The following AOX1 variants were observed in gnomAD, a reference collection of about 807,000 sequenced individuals.
The protein encoded by AOX1 is aldehyde oxidase 1.
A neutral mutation model predicts 169.5 loss-of-function variants in AOX1; 153 were observed. The observed-to-expected ratio is 0.90, with a 90% CI of 0.79 to 1.03. The LOEUF is 1.03. Ranked by LOEUF, AOX1 falls within the 50% of genes least tolerant of loss-of-function variation. AOX1 has a pLI of 0.00. For synonymous variants in AOX1, 562 were observed against 581.9 expected (o/e 0.97, Z 0.49); for missense variants, 1,656 against 1,663.9 (o/e 1.00, Z 0.08).
chr2:200,603,482 C>G (rs2034454942), intron 7 of AOX1, 126 bp downstream of exon 7: 2 of 650,884 alleles, frequency 3.1e-6, no homozygotes, highest in Non-Finnish European at 5.3e-6. Flanking sequence ...TGCCCTCTCC[C>G]ATTCTCACTC....
At chr2:200,614,416 G>A (rs935806578) in intron 15 of AOX1, among the ~76,000 whole-genome samples, 3 of 152,196 alleles carry the variant, frequency 2.0e-5, no homozygotes, top group Non-Finnish European at 2.9e-5. Context: ...ACTGTGAAAT[G>A]CGTCATTGTA....
chr2:200,603,941 A>C, intron 7 of AOX1, 76 bp from the exon 8 acceptor site: 4 of 998,246 alleles, frequency 4.0e-6, no homozygotes, highest in Non-Finnish European at 6.4e-6. Flanking sequence ...CTGTGTATCT[A>C]TATCTTTTGA....
In AOX1 at chr2:200,621,237, G is replaced by A. The variant is rs144385483; in HGVS notation, c.1992G>A (p.Ala664=). The A allele has an allele frequency of 3.6e-5, 58 of 1,613,772 alleles. No homozygotes were observed. The highest frequency in any genetic ancestry group is 4.5e-5 in the Non-Finnish European group (53 of 1,179,944). Residue 664 remains alanine, a synonymous_variant, in exon 18 of 35, where the codon GCG becomes GCA. Transcript: ENST00000374700. ...TTACTGAAGCTGAGAAATTTCTGGC[G>A]ACAGATAAGGTACTGCATTTTTGCT... is the stretch of plus-strand genomic sequence containing the variant. ...CFFTEAEKFL[A]TDKVFCVGQL...
intron 20 of AOX1, among the ~76,000 whole-genome samples, chr2:200,630,563 G>GAAGGA: frequency 1.9e-5 from 1 of 51,408 alleles, no homozygotes; most frequent in Non-Finnish European, 4.1e-5. Context: ...AGGAAGGAAG[G>GAAGGA]AAGGAAGGAA....
chr2:200,602,482 T>A, intron 6 of AOX1, 137 bp downstream of exon 6: 1 of 757,160 alleles, frequency 1.3e-6, no homozygotes. Context: ...CTGCTGTTTG[T>A]TATTTGATCT....
intron 27 of AOX1, among the ~76,000 whole-genome samples, chr2:200,657,182 A>AT (rs1559258479): frequency 4.5e-5 from 3 of 66,502 alleles, no homozygotes; most frequent in East Asian, 8.9e-4. Flanking sequence ...ATATATATAT[A>AT]TATATATATT....
In AOX1 at chr2:200,663,168, G is replaced by A. The variant is rs111582619; in HGVS notation, c.3543+199G>A. Reference sequence around the variant, plus strand: ...GTTGCTGCCATGGAAAACAACTGGTGGCCTGTCTTTATTTCCCTGGCCCTT... The same window carrying A: ...GTTGCTGCCATGGAAAACAACTGGTAGCCTGTCTTTATTTCCCTGGCCCTT... On this transcript the variant is annotated intron_variant, in intron 31 of 34. Transcript: ENST00000374700. Among the ~76,000 whole-genome samples the A allele has an allele frequency of 3.4e-3, 513 of 152,162 alleles. 3 individuals carry two copies. The highest frequency in any genetic ancestry group is 0.012 in the African/African-American group (479 of 41,504).
chr2:200,588,315 G>C (rs1431637535), intron 1 of AOX1: 1 of 152,496 alleles, frequency 6.6e-6, no homozygotes, highest in Non-Finnish European at 1.5e-5. Flanking sequence ...TGGTGGGCCT[G>C]GCAACATGGG....
chr2:200,652,883 A>T (rs2035608094), intron 26 of AOX1, among the ~76,000 whole-genome samples: 1 of 152,202 alleles, frequency 6.6e-6, no homozygotes, highest in South Asian at 2.1e-4. Flanking sequence ...TGAGCAACAT[A>T]GTGAGGCCCC....
chr2:200,674,932 A>C (rs1299781515), downstream of AOX1, among the ~76,000 whole-genome samples: 1 of 152,222 alleles, frequency 6.6e-6, no homozygotes, highest in Admixed American at 6.5e-5. Context: ...GGGCTTACAC[A>C]GTATTACATT....
chr2:200,668,645 C>G lies in AOX1; in HGVS notation c.3640C>G (p.Leu1214Val). 1 of 1,613,010 alleles carries G rather than the reference C, an allele frequency of 6.2e-7. No individual in the cohort carries two copies. The highest frequency in any genetic ancestry group is 8.5e-7 in the Non-Finnish European group (1 of 1,179,680). The change falls in exon 33 of 35, where the codon CTT (leucine) becomes GTT (valine). Residue 1214 changes from leucine to valine, a missense_variant. Physicochemically the swap from Leu to Val is conservative, Grantham distance 32. Coordinates refer to ENST00000374700, the MANE Select transcript of AOX1 (RefSeq NM_001159.4). ...IEGAFIQGMG[L>V]YTIEELNYSP... ...AGGTGCATTTATTCAAGGCATGGGA[C>G]TTTATACAATAGAGGAACTGAATTA... is the stretch of plus-strand genomic sequence containing the variant.
chr2:200,595,394 G>A, intron 3 of AOX1, 26 bp downstream of exon 3: 1 of 1,555,936 alleles, frequency 6.4e-7, no homozygotes, highest in Non-Finnish European at 8.8e-7. Context: ...GTCCAGATAT[G>A]GTTGAATTTT....
chr2:200,641,293 T>C, intron 24 of AOX1, 109 bp downstream of exon 24: 2 of 758,628 alleles, frequency 2.6e-6, no homozygotes, highest in Non-Finnish European at 4.4e-6. Context: ...AAAGGTATAA[T>C]GACCATCCTT....
chr2:200,632,024 A>G (rs1250059098), intron 20 of AOX1, among the ~76,000 whole-genome samples: 1 of 152,082 alleles, frequency 6.6e-6, no homozygotes, highest in Non-Finnish European at 1.5e-5. Flanking sequence ...GCAATTTAAA[A>G]CATCTCATTT....
rs749519434 is a variant in AOX1, at chr2:200,612,698, A to G, written c.1353A>G (p.Glu451=). 1.2e-6 allele frequency: 2 copies of G among 1,613,998 alleles called. No individual in the cohort carries two copies. Among genetic ancestry groups the G allele is most frequent in the Non-Finnish European group, 1.7e-6 (2 of 1,180,008 alleles). ...VNSGMRVFFG[E]GDGIIRELCI... is the part of the protein sequence containing the mutation. Reference sequence around the variant, plus strand: ...CAGGAATGAGAGTCTTTTTTGGAGAAGGGGATGGCATTATTAGAGAGTTAT... The same window carrying G: ...CAGGAATGAGAGTCTTTTTTGGAGAGGGGGATGGCATTATTAGAGAGTTAT... The change falls in exon 14 of 35, where the codon GAA becomes GAG. Residue 451 remains glutamate (E), a synonymous_variant. Transcript: ENST00000374700.
chr2:200,589,887 G>A (rs1220536881), intron 1 of AOX1, among the ~76,000 whole-genome samples: 2 of 152,130 alleles, frequency 1.3e-5, no homozygotes, highest in Non-Finnish European at 2.9e-5. Flanking sequence ...CTTCTGGAAT[G>A]GCTGCAATGA....
At chr2:200,674,495 G>A (rs989887947), downstream of AOX1, among the ~76,000 whole-genome samples, 1 of 152,232 alleles carries the variant, frequency 6.6e-6, no homozygotes, top group Admixed American at 6.5e-5. Flanking sequence ...GAAGTGGCAT[G>A]ATATGTGAAG....
rs761245144 is a variant in AOX1 at position 200,604,765 on chromosome 2, G to A, written c.739G>A (p.Val247Met). 7.4e-6 allele frequency: 12 copies of A among 1,613,878 alleles called. No individual in the cohort carries two copies. The highest frequency in any genetic ancestry group is 3.3e-5 in the Admixed American group (2 of 59,974). The change falls in exon 9 of 35, where the codon GTG becomes ATG. Residue 247 changes from valine to methionine, a missense_variant. Coordinates refer to ENST00000374700, the MANE Select transcript of AOX1 (RefSeq NM_001159.4). ...TGAGAGAATGATGTGGTTTTCCCCC[G>A]TGACCCTGAAGGAACTGCTGGAATT... ...GSERMMWFSP[V>M]TLKELLEFKF...
At chr2:200,624,798 A>G (rs1440373422) in intron 19 of AOX1, among the ~76,000 whole-genome samples, 3 of 152,234 alleles carry the variant, frequency 2.0e-5, no homozygotes, top group Non-Finnish European at 4.4e-5. Context: ...ATTGGTTCTT[A>G]TAATTTCCTG....
Sources: gnomAD v4.1 joint callset for allele counts (sites outside exome capture counted in the v4.1 genomes callset) on GRCh38, gnomAD v4.1.1 for gene constraint, MANE v1.5 for transcripts, NCBI Gene and HGNC (gene_info 2026-07-23, HGNC 2026-07-21) for gene names.